The following KCNIP4 variants were observed in gnomAD, a reference collection of about 807,000 sequenced individuals.
The protein encoded by KCNIP4 is potassium voltage-gated channel interacting protein 4.
Under a neutral mutation model 34.0 loss-of-function variants are expected in KCNIP4, and 12 were observed. That is an observed-to-expected ratio of 0.35 (90% confidence interval 0.23 to 0.57). The LOEUF (loss-of-function observed/expected upper bound fraction) is 0.57, where lower values mean the gene tolerates loss of function less well. Ranked by LOEUF, KCNIP4 falls within the 20% of genes least tolerant of loss-of-function variation. KCNIP4 has a pLI of 0.83. For missense variants in KCNIP4, 238 were observed against 311.7 expected, an observed-to-expected ratio of 0.76 and a Z score of 1.78; for synonymous variants, 124 against 102.2, an observed-to-expected ratio of 1.21 and a Z score of -1.29.
At chr4:20,871,262 A>T (rs2149510317) in intron 2 of KCNIP4, among the ~76,000 whole-genome samples, 1 of 152,208 alleles carries the variant, frequency 6.6e-6, no homozygotes, top group African/African-American at 2.4e-5. Context: ...CCAATTGGAC[A>T]TCGGAGTGGC....
chr4:21,118,629 GC>G (rs1490736473), intron 1 of KCNIP4, among the ~76,000 whole-genome samples: 1 of 152,100 alleles, frequency 6.6e-6, no homozygotes, highest in African/African-American at 2.4e-5. Flanking sequence ...CATTTAAATT[GC>G]CTTTGTTTAT....
At chr4:21,935,409 A>G (rs1729802911) in intron 1 of KCNIP4, among the ~76,000 whole-genome samples, 1 of 151,864 alleles carries the variant, frequency 6.6e-6, no homozygotes, top group South Asian at 2.1e-4. Context: ...AGACTCTCCA[A>G]TCTCATGTCA....
At chr4:21,582,674 G>A (rs1223272862) in intron 1 of KCNIP4, among the ~76,000 whole-genome samples, 5 of 151,830 alleles carry the variant, frequency 3.3e-5, no homozygotes, top group African/African-American at 1.2e-4. Context: ...GAGTTAAAAT[G>A]TTTCTTTATG....
At chr4:21,319,785 A>C (rs2109297296) in intron 1 of KCNIP4, among the ~76,000 whole-genome samples, 1 of 152,300 alleles carries the variant, frequency 6.6e-6, no homozygotes, top group South Asian at 2.1e-4. Context: ...ACAAAAACAG[A>C]ATCCTTTAGG....
At chr4:20,824,294 A>C (rs965049564) in intron 3 of KCNIP4, among the ~76,000 whole-genome samples, 2 of 152,214 alleles carry the variant, frequency 1.3e-5, no homozygotes, top group Non-Finnish European at 2.9e-5. Flanking sequence ...ATTGTATTCT[A>C]AAGTAAATTT....
chr4:20,805,963 G>A (rs1715024875), intron 3 of KCNIP4, among the ~76,000 whole-genome samples: 1 of 152,004 alleles, frequency 6.6e-6, no homozygotes. Context: ...GGCATGCTGT[G>A]CTTTGACAAT....
At chr4:21,809,714 A>T (rs1721510927) in intron 1 of KCNIP4, among the ~76,000 whole-genome samples, 1 of 152,198 alleles carries the variant, frequency 6.6e-6, no homozygotes, top group South Asian at 2.1e-4. Context: ...AACCACAGGA[A>T]GTTTAATTCT....
chr4:21,638,716 C>T (rs1455121093), intron 1 of KCNIP4, among the ~76,000 whole-genome samples: 2 of 152,164 alleles, frequency 1.3e-5, no homozygotes, highest in East Asian at 1.9e-4. Flanking sequence ...GAATGTTGCA[C>T]ATTTCATTAA....
intron 1 of KCNIP4, among the ~76,000 whole-genome samples, chr4:20,981,182 C>A (rs1736031562): frequency 6.6e-6 from 1 of 152,074 alleles, no homozygotes; most frequent in Non-Finnish European, 1.5e-5. Context: ...CACATTTGGT[C>A]AAAATTCAGT....
At chr4:21,094,720 A>G (rs1388184559) in intron 1 of KCNIP4, among the ~76,000 whole-genome samples, 1 of 152,182 alleles carries the variant, frequency 6.6e-6, no homozygotes, top group Non-Finnish European at 1.5e-5. Context: ...TTCTTGTATC[A>G]CTTGCTCTGG....
At chr4:21,785,145 C>T (rs931404443) in intron 1 of KCNIP4, among the ~76,000 whole-genome samples, 10 of 152,198 alleles carry the variant, frequency 6.6e-5, no homozygotes, top group Middle Eastern at 3.4e-3. Context: ...GACCTCATCC[C>T]CCGAAATTAT....
chr4:21,683,729 A>G (rs1241264865), intron 1 of KCNIP4, among the ~76,000 whole-genome samples: 4 of 152,104 alleles, frequency 2.6e-5, no homozygotes, highest in Non-Finnish European at 4.4e-5. Flanking sequence ...GATCTATAGT[A>G]TACTGTCTTG....
intron 1 of KCNIP4, among the ~76,000 whole-genome samples, chr4:21,172,815 G>A (rs535276717): frequency 6.6e-6 from 1 of 152,076 alleles, no homozygotes; most frequent in Non-Finnish European, 1.5e-5. Flanking sequence ...AGTCAATCAG[G>A]CTTCCCAGGT....
chr4:20,750,618 C>T (rs1578519547), intron 4 of KCNIP4, among the ~76,000 whole-genome samples: 1 of 152,190 alleles, frequency 6.6e-6, no homozygotes, highest in African/African-American at 2.4e-5. Flanking sequence ...AATCTCTGGG[C>T]TTTCTGCCAT....
rs548284549 is a variant in KCNIP4 at position 20,937,396 on chromosome 4, G to A, written c.62-54687C>T. On this transcript the variant is annotated intron_variant, in intron 1 of 8. Transcript: ENST00000382152. ...ACTATAGGCGCCCGTCACCATGCCC[G>A]GCTAGTTTTTTGTATTTTTAGTAGA... 2.3e-3 allele frequency among the ~76,000 whole-genome samples: 347 copies of A among 151,468 alleles called. 2 individuals are homozygous for A. The highest frequency in any genetic ancestry group is 0.01 in the Middle Eastern group (3 of 294).
chr4:21,691,691 CTTTTTTT>C (rs36004947), intron 1 of KCNIP4, among the ~76,000 whole-genome samples: 10 of 103,144 alleles, frequency 9.7e-5, no homozygotes, highest in Admixed American at 8.9e-4. Context: ...AAACGCAGCT[CTTTTTTT>C]TTTTTTTTTT....
chr4:21,823,883 A>G (rs1315693670), intron 1 of KCNIP4, among the ~76,000 whole-genome samples: 1 of 152,212 alleles, frequency 6.6e-6, no homozygotes, highest in Non-Finnish European at 1.5e-5. Flanking sequence ...TCTACAATGC[A>G]GCTTTGCAGC....
intron 1 of KCNIP4, among the ~76,000 whole-genome samples, chr4:21,077,772 C>T (rs996864130): frequency 6.6e-6 from 1 of 151,888 alleles, no homozygotes; most frequent in Non-Finnish European, 1.5e-5. Flanking sequence ...TGGGAATAAT[C>T]CTTTTTATTA....
Position 21,501,907 on chromosome 4 carries a change from A to G in KCNIP4, c.61+446664T>C, listed in dbSNP as rs16867643. Among the ~76,000 whole-genome samples, 1,188 of 151,390 alleles carry G rather than the reference A, an allele frequency of 7.8e-3. 50 individuals carry two copies. Among genetic ancestry groups the G allele is most frequent in the Admixed American group, 0.065 (989 of 15,130 alleles). ...TAATTCTCTCTCTCTCTATCTCTCCATAGCTCTCTGTCACTCTGTCTTTCT... is the reference window on the plus strand; with the variant it reads ...TAATTCTCTCTCTCTCTATCTCTCCGTAGCTCTCTGTCACTCTGTCTTTCT... On this transcript the variant is annotated intron_variant, in intron 1 of 8. Coordinates refer to ENST00000382152, the MANE Select transcript of KCNIP4 (RefSeq NM_025221.6).
Sources: allele counts gnomAD v4.1 joint callset (sites outside exome capture counted in the v4.1 genomes callset), GRCh38; gene constraint gnomAD v4.1.1; transcripts MANE v1.5; gene names NCBI Gene and HGNC (gene_info 2026-07-23, HGNC 2026-07-21).